The following DLG2 variants were observed in gnomAD, a reference collection of about 807,000 sequenced individuals.
DLG2 encodes the protein disks large homolog 2.
A neutral mutation model predicts 132.5 loss-of-function variants in DLG2; 45 were observed. The ratio of observed to expected loss-of-function variants is 0.34; its 90% confidence interval spans 0.27 to 0.44. The LOEUF is 0.44. DLG2 is among the 20% of genes least tolerant of loss of function. DLG2 has a pLI of 1.00. For missense variants in DLG2, 1,045 were observed against 1,196.9 expected (o/e 0.87, Z 1.87); for synonymous variants, 424 against 419.6 (o/e 1.01, Z -0.13).
intron 3 of DLG2, among the ~76,000 whole-genome samples, chr11:85,456,414 A>G (rs2092424227): frequency 6.6e-6 from 1 of 152,058 alleles, no homozygotes; most frequent in Non-Finnish European, 1.5e-5. Flanking sequence ...TTCAAAAAAC[A>G]AACTCCTGGA....
At chr11:85,617,143 G>T (rs968403355) in intron 2 of DLG2, among the ~76,000 whole-genome samples, 1 of 152,178 alleles carries the variant, frequency 6.6e-6, no homozygotes, top group African/African-American at 2.4e-5. Context: ...TACAGACCAA[G>T]TCCAGCTCAC....
intron 3 of DLG2, among the ~76,000 whole-genome samples, chr11:85,455,527 C>T (rs1597466985): frequency 6.6e-6 from 1 of 152,210 alleles, no homozygotes; most frequent in Admixed American, 6.5e-5. Flanking sequence ...CTTTCTCTTG[C>T]CTGACTCCTT....
chr11:85,045,942 G>A (rs532255324), intron 6 of DLG2, among the ~76,000 whole-genome samples: 3 of 152,094 alleles, frequency 2.0e-5, no homozygotes, highest in East Asian at 3.9e-4. Flanking sequence ...TGAAAAATAC[G>A]TCTCTAAACG....
At chr11:84,441,597 T>C (rs1468060819) in intron 7 of DLG2, among the ~76,000 whole-genome samples, 2 of 152,210 alleles carry the variant, frequency 1.3e-5, no homozygotes, top group African/African-American at 2.4e-5. Flanking sequence ...TCTAAGTATA[T>C]ATGTATCATG....
intron 19 of DLG2, among the ~76,000 whole-genome samples, chr11:83,590,606 CAAAA>C (rs1701809005): frequency 1.3e-5 from 2 of 151,870 alleles, no homozygotes; most frequent in Non-Finnish European, 2.9e-5. Context: ...CAAACACATT[CAAAA>C]GCTAGCAGAA....
intron 4 of DLG2, among the ~76,000 whole-genome samples, chr11:85,161,597 C>A (rs759947261): frequency 5.3e-5 from 8 of 152,232 alleles, no homozygotes; most frequent in African/African-American, 1.9e-4. Context: ...TGTGGACTCA[C>A]GGAATGCCTT....
intron 6 of DLG2, among the ~76,000 whole-genome samples, chr11:84,787,875 G>A (rs575659541): frequency 6.6e-6 from 1 of 151,248 alleles, no homozygotes; most frequent in South Asian, 2.1e-4. Context: ...GAGACAGGTG[G>A]ATCACTTGAG....
chr11:84,912,678 C>G (rs1250241986), intron 6 of DLG2, among the ~76,000 whole-genome samples: 3 of 152,182 alleles, frequency 2.0e-5, no homozygotes, highest in Admixed American at 6.5e-5. Context: ...GGCTTTCTAC[C>G]AAACACCCCA....
chr11:84,097,390 C>G (rs931470694), intron 10 of DLG2, among the ~76,000 whole-genome samples: 7 of 152,220 alleles, frequency 4.6e-5, no homozygotes, highest in African/African-American at 1.7e-4. Context: ...AGAATCCTGC[C>G]AAGTCCCTTC....
chr11:83,724,017 T>C (rs1268579202), intron 18 of DLG2, among the ~76,000 whole-genome samples: 2 of 152,228 alleles, frequency 1.3e-5, no homozygotes, highest in African/African-American at 2.4e-5. Flanking sequence ...CATTCTTAAC[T>C]ATGAAGCTAT....
chr11:83,586,319 A>T (rs1367231528), intron 19 of DLG2, among the ~76,000 whole-genome samples: 1 of 152,244 alleles, frequency 6.6e-6, no homozygotes, highest in Non-Finnish European at 1.5e-5. Context: ...TTAAAAACAC[A>T]ACAGTAAATA....
At chr11:84,533,733 G>A (rs1308274398) in intron 7 of DLG2, among the ~76,000 whole-genome samples, 3 of 151,942 alleles carry the variant, frequency 2.0e-5, no homozygotes, top group African/African-American at 7.3e-5. Context: ...TCTCGGTGAT[G>A]AAAGAAATTT....
chr11:85,134,528 CAAAAAAAAAAAA>C (rs58266385), intron 5 of DLG2, among the ~76,000 whole-genome samples: 23 of 34,948 alleles, frequency 6.6e-4, no homozygotes, highest in Admixed American at 3.0e-3. Flanking sequence ...GACTCCGTCT[CAAAAAAAAAAAA>C]AAAAAAAAAA....
chr11:84,233,086 G>A (rs1381976923), intron 8 of DLG2, among the ~76,000 whole-genome samples: 5 of 152,098 alleles, frequency 3.3e-5, no homozygotes, highest in African/African-American at 1.2e-4. Context: ...CCACAATTTT[G>A]AGAACTAATT....
At chr11:85,524,000 T>C (rs1313387525) in intron 3 of DLG2, among the ~76,000 whole-genome samples, 2 of 152,228 alleles carry the variant, frequency 1.3e-5, no homozygotes, top group East Asian at 1.9e-4. Flanking sequence ...CCACTTTGCA[T>C]GTTCTCATTT....
At position 85,338,790 on chromosome 11, in the gene DLG2, C is replaced by T. The variant is rs771778295; in HGVS notation, c.41-53425G>A. Among the ~76,000 whole-genome samples the T allele has an allele frequency of 4.7e-4, 71 of 150,792 alleles. 1 individual carries two copies. The highest frequency in any genetic ancestry group is 1.6e-3 in the African/African-American group (65 of 41,060). ...CGCGATCTCGGCTCACTGCAGGCTC[C>T]GCCTCCCGGGTTCACTCCATTCTCC... On this transcript the variant is annotated intron_variant, in intron 3 of 27. Coordinates refer to ENST00000376104, the MANE Select transcript of DLG2 (RefSeq NM_001142699.3).
rs1384949474 is a variant in DLG2, at chr11:83,724,472, T to TGAGA, written c.1825+62217_1825+62218insTCTC. 9.3e-4 allele frequency among the ~76,000 whole-genome samples: 91 copies of TGAGA among 97,612 alleles called. No homozygotes were observed. In the Middle Eastern group the frequency reaches 0.025, roughly 27 times the overall value. 64.0% of individuals were successfully genotyped at this position (97,612 alleles called of 152,430 possible). On this transcript the variant is annotated intron_variant, in intron 18 of 27. Coordinates refer to ENST00000376104, the MANE Select transcript of DLG2 (RefSeq NM_001142699.3). ...ATCTCTCTCTCCGTGTGTGTGTGTGTGTGTGAGAGAGAGAGAGAGAGAGAG... is the reference window on the plus strand; with the variant it reads ...ATCTCTCTCTCCGTGTGTGTGTGTGTGAGAGTGTGAGAGAGAGAGAGAGAGAGAG...
chr11:83,882,927 C>T (rs939747083), intron 15 of DLG2, among the ~76,000 whole-genome samples: 3 of 152,188 alleles, frequency 2.0e-5, no homozygotes, highest in South Asian at 2.1e-4. Context: ...AAGGTGAGAT[C>T]GAAGACAGAT....
chr11:84,241,987 G>C (rs117180451), intron 8 of DLG2, among the ~76,000 whole-genome samples: 2 of 152,168 alleles, frequency 1.3e-5, no homozygotes, highest in East Asian at 3.9e-4. Context: ...TTATGCTTGA[G>C]AAGCTACACA....
Sources: gnomAD v4.1 joint callset for allele counts (sites outside exome capture counted in the v4.1 genomes callset) on GRCh38, gnomAD v4.1.1 for gene constraint, MANE v1.5 for transcripts, NCBI Gene and HGNC (gene_info 2026-07-23, HGNC 2026-07-21) for gene names.